CYP4X1: variants seen among roughly 807,000 people sequenced by gnomAD.
The protein encoded by CYP4X1 is cytochrome P450 4X1.
Under a neutral mutation model 57.9 loss-of-function variants are expected in CYP4X1, and 44 were observed. The ratio of observed to expected loss-of-function variants is 0.76; its 90% CI spans 0.60 to 0.98. The LOEUF is 0.98. Ranked by LOEUF, CYP4X1 falls within the 50% of genes least tolerant of loss-of-function variation. The pLI is 0.00. For synonymous variants in CYP4X1, 227 were observed against 228.6 expected (o/e 0.99, Z 0.06); for missense variants, 532 against 623.9 (o/e 0.85, Z 1.57).
chr1:46,991,530 C>G, the CYP4X1 span, among the ~76,000 whole-genome samples: 4 of 152,182 alleles, frequency 2.6e-5, no homozygotes, highest in Admixed American at 2.6e-4. Flanking sequence ...TTAAAGCACC[C>G]TTGTTTGATT....
At chr1:47,053,227 T>C (rs1233376784), downstream of CYP4X1, among the ~76,000 whole-genome samples, 1 of 152,146 alleles carries the variant, frequency 6.6e-6, no homozygotes, top group East Asian at 1.9e-4. Context: ...TTCATCCATG[T>C]CCCTACAAAG....
In CYP4X1 at chr1:47,038,747, A is replaced by T. The variant is rs763582362; in HGVS notation, c.863A>T (p.Asp288Val). Reference protein sequence around the residue: ...TPKRKYQDFLDIVLSAKDESG... With the variant: ...TPKRKYQDFLVIVLSAKDESG... ...AAGAGGAAGTACCAGGATTTTCTGG[A>T]TATTGTCCTTTCTGCCAAGGTAAAT... The change falls in exon 7 of 12, where the codon GAT becomes GTT. Residue 288 changes from aspartate to valine, a missense_variant. Transcript: ENST00000371901. 6.8e-6 allele frequency: 11 copies of T among 1,609,874 alleles called. No individual in the cohort carries two copies. The highest frequency in any genetic ancestry group is 9.3e-6 in the Non-Finnish European group (11 of 1,178,090).
At chr1:46,978,062 A>T in the CYP4X1 span, among the ~76,000 whole-genome samples, 1 of 152,276 alleles carries the variant, frequency 6.6e-6, no homozygotes, top group South Asian at 2.1e-4. Context: ...AAGAAACTGC[A>T]TCAACTAATG....
downstream of CYP4X1, among the ~76,000 whole-genome samples, chr1:47,054,249 G>C (rs1350625819): frequency 6.6e-6 from 1 of 151,982 alleles, no homozygotes; most frequent in Non-Finnish European, 1.5e-5. Context: ...CATTATTTCT[G>C]AGGGCTCTGT....
the CYP4X1 span, among the ~76,000 whole-genome samples, chr1:46,986,433 G>C: frequency 6.6e-6 from 1 of 152,184 alleles, no homozygotes; most frequent in Admixed American, 6.5e-5. Flanking sequence ...GTGACAGAGA[G>C]AATGGAACCC....
chr1:46,983,437 C>T, the CYP4X1 span, among the ~76,000 whole-genome samples: 1 of 152,228 alleles, frequency 6.6e-6, no homozygotes, highest in Non-Finnish European at 1.5e-5. Flanking sequence ...TGTTTCTTTC[C>T]CAGCCAGAGG....
the CYP4X1 span, among the ~76,000 whole-genome samples, chr1:46,986,215 T>C: frequency 6.6e-6 from 1 of 152,072 alleles, no homozygotes. Flanking sequence ...AAGAACTTCA[T>C]GAAGCATATA....
intron 1 of CYP4X1, among the ~76,000 whole-genome samples, chr1:47,026,005 G>T (rs1465369918): frequency 6.6e-6 from 1 of 152,168 alleles, no homozygotes; most frequent in African/African-American, 2.4e-5. Flanking sequence ...CTATTTCTGA[G>T]TCTTCAATTC....
rs750897581 is a variant in CYP4X1, at chr1:47,033,283, A to G, written c.407A>G (p.His136Arg). 1.9e-6 allele frequency: 3 copies of G among 1,613,828 alleles called. No homozygotes were observed. The highest frequency in any genetic ancestry group is 1.1e-5 in the South Asian group (1 of 91,056). Residue 136 changes from histidine to arginine, a missense_variant, in exon 4 of 12, where the codon CAT becomes CGT. By Grantham distance (29) the His-to-Arg change is conservative (BLOSUM62 0). Coordinates refer to ENST00000371901, the MANE Select transcript of CYP4X1 (RefSeq NM_178033.2). The part of the protein sequence containing the change: ...AALDGPKWFQ[H>R]RRLLTPGFHF... Reference sequence around the variant, plus strand: ...CTAGACGGACCCAAGTGGTTCCAGCATCGTCGCCTACTAACTCCTGGATTC... The same window carrying G: ...CTAGACGGACCCAAGTGGTTCCAGCGTCGTCGCCTACTAACTCCTGGATTC...
the CYP4X1 span, among the ~76,000 whole-genome samples, chr1:47,001,948 G>A: frequency 6.6e-6 from 1 of 152,308 alleles, no homozygotes; most frequent in South Asian, 2.1e-4. Context: ...CATCGTCAAG[G>A]CTAAGGCCAG....
intron 11 of CYP4X1, 39 bp downstream of exon 11, chr1:47,049,543 G>A (rs1644339307): frequency 1.9e-6 from 3 of 1,556,254 alleles, no homozygotes; most frequent in Non-Finnish European, 2.7e-6. Flanking sequence ...ACCCAAAGAT[G>A]TTTACTTGAG....
In CYP4X1 at chr1:47,033,492, C is replaced by T. The variant is rs558075579; in HGVS notation, c.492+124C>T. Reference sequence around the variant, plus strand: ...TTTCTAAAAATTTAACCAATGTACACGTACTTATTGAACAATAGGTGTCTG... The same window carrying T: ...TTTCTAAAAATTTAACCAATGTACATGTACTTATTGAACAATAGGTGTCTG... On this transcript the variant is annotated intron_variant, in intron 4 of 11. Transcript: ENST00000371901. 2.9e-4 allele frequency: 361 copies of T among 1,254,630 alleles called. 2 individuals carry two copies. The highest frequency in any genetic ancestry group is 8.9e-4 in the African/African-American group (59 of 66,160). The allele number at this position is 1,254,630 out of a possible 1,614,324, so 77.7% of individuals were successfully genotyped here.
the CYP4X1 span, among the ~76,000 whole-genome samples, chr1:46,966,661 G>A: frequency 9.9e-4 from 151 of 152,200 alleles, 1 homozygote; most frequent in Non-Finnish European, 1.8e-3. Flanking sequence ...GAATTCACTC[G>A]CCCCTTTTCA....
chr1:46,978,368 A>G, the CYP4X1 span, among the ~76,000 whole-genome samples: 1 of 152,142 alleles, frequency 6.6e-6, no homozygotes, highest in Non-Finnish European at 1.5e-5. Flanking sequence ...CAAAGATCAA[A>G]AGATACAAAG....
At chr1:47,012,389 C>T in the CYP4X1 span, among the ~76,000 whole-genome samples, 2 of 152,032 alleles carry the variant, frequency 1.3e-5, no homozygotes, top group African/African-American at 2.4e-5. Flanking sequence ...TGGGGAACAT[C>T]GCACACCAGG....
At chr1:47,052,119 G>C (rs555447036), downstream of CYP4X1, among the ~76,000 whole-genome samples, 1 of 151,824 alleles carries the variant, frequency 6.6e-6, no homozygotes, top group African/African-American at 2.4e-5. Flanking sequence ...TAATTTATTT[G>C]TCAGGTTGCC....
chr1:46,980,725 A>G, the CYP4X1 span, among the ~76,000 whole-genome samples: 1 of 152,198 alleles, frequency 6.6e-6, no homozygotes, highest in East Asian at 1.9e-4. Flanking sequence ...CCTGACTTCA[A>G]ACTATACTAC....
At chr1:47,041,340 C>A (rs1644244516) in intron 8 of CYP4X1, among the ~76,000 whole-genome samples, 1 of 151,592 alleles carries the variant, frequency 6.6e-6, no homozygotes, top group South Asian at 2.1e-4. Flanking sequence ...TATGGTAGTT[C>A]TATTTTTAAT....
downstream of CYP4X1, among the ~76,000 whole-genome samples, chr1:47,052,288 G>A (rs12140581): frequency 7.9e-5 from 12 of 151,576 alleles, no homozygotes; most frequent in African/African-American, 2.7e-4. Context: ...TCATTTTTTC[G>A]AAATATGTGC....
Sources: gnomAD v4.1 joint callset for allele counts (sites outside exome capture counted in the v4.1 genomes callset) on GRCh38, gnomAD v4.1.1 for gene constraint, MANE v1.5 for transcripts, NCBI Gene and HGNC (gene_info 2026-07-23, HGNC 2026-07-21) for gene names.